Variants in PTPRO observed in about 807,000 individuals in gnomAD.
PTPRO encodes the protein protein tyrosine phosphatase receptor type O, also known as receptor-type tyrosine-protein phosphatase O.
Under a neutral mutation model 145.2 loss-of-function variants are expected in PTPRO, and 62 were observed. The observed-to-expected ratio is 0.43, with a 90% CI of 0.35 to 0.53. PTPRO has a LOEUF of 0.53. Ranked by LOEUF, PTPRO falls within the 20% of genes least tolerant of loss-of-function variation. The pLI, the probability that PTPRO is intolerant of heterozygous loss-of-function variation, is 0.01. For synonymous variants in PTPRO, 565 were observed against 514.7 expected, an observed-to-expected ratio of 1.10 and a Z score of -1.32; for missense variants, 1,345 against 1,482.7, an observed-to-expected ratio of 0.91 and a Z score of 1.53.
At chr12:15,394,834 G>A (rs1246107731) in intron 1 of PTPRO, among the ~76,000 whole-genome samples, 1 of 152,030 alleles carries the variant, frequency 6.6e-6, no homozygotes, top group Admixed American at 6.6e-5. Context: ...TTAACTACAG[G>A]GCTTGTCTAG....
chr12:15,415,638 G>T (rs966213191), intron 1 of PTPRO, among the ~76,000 whole-genome samples: 1 of 151,704 alleles, frequency 6.6e-6, no homozygotes, highest in African/African-American at 2.4e-5. Flanking sequence ...GCCCACCCTG[G>T]CCTCCCAAAG....
chr12:15,327,852 G>A (rs187370660), intron 1 of PTPRO, among the ~76,000 whole-genome samples: 27 of 151,984 alleles, frequency 1.8e-4, no homozygotes, highest in Non-Finnish European at 3.4e-4. Context: ...GGTGGCTCAC[G>A]CCTGTAATCC....
intron 9 of PTPRO, among the ~76,000 whole-genome samples, chr12:15,518,387 G>GCC (rs1942644451): frequency 6.6e-6 from 1 of 152,226 alleles, no homozygotes; most frequent in Non-Finnish European, 1.5e-5. Flanking sequence ...AGGCCTCCAG[G>GCC]CCTGTGATGG....
chr12:15,346,941 T>G (rs922520780), intron 1 of PTPRO, among the ~76,000 whole-genome samples: 1 of 152,152 alleles, frequency 6.6e-6, no homozygotes, highest in Admixed American at 6.5e-5. Context: ...CTGTAATCTT[T>G]CTGAATTTTT....
intron 1 of PTPRO, among the ~76,000 whole-genome samples, chr12:15,476,468 C>T (rs912517694): frequency 1.8e-4 from 28 of 151,428 alleles, no homozygotes; most frequent in Non-Finnish European, 4.4e-5. Flanking sequence ...GATATTAGCC[C>T]TTTGTCAGAT....
intron 17 of PTPRO, among the ~76,000 whole-genome samples, chr12:15,564,402 T>C (rs1453069485): frequency 6.6e-6 from 1 of 152,198 alleles, no homozygotes; most frequent in African/African-American, 2.4e-5. Flanking sequence ...GCAGAGATTA[T>C]TTTGTTTCAG....
chr12:15,460,768 C>T (rs557897947), intron 1 of PTPRO, among the ~76,000 whole-genome samples: 25 of 152,320 alleles, frequency 1.6e-4, no homozygotes, highest in Admixed American at 3.9e-4. Flanking sequence ...CTTGAACCAT[C>T]AAGATATTCT....
At chr12:15,547,948 A>G (rs1943338451) in intron 13 of PTPRO, among the ~76,000 whole-genome samples, 1 of 152,212 alleles carries the variant, frequency 6.6e-6, no homozygotes, top group South Asian at 2.1e-4. Context: ...TAGTCTGGCC[A>G]TGGGTCCACC....
chr12:15,344,081 G>C (rs536575172), intron 1 of PTPRO, among the ~76,000 whole-genome samples: 1 of 152,300 alleles, frequency 6.6e-6, no homozygotes, highest in South Asian at 2.1e-4. Context: ...ATCATTGTCA[G>C]GTTCTAACTA....
chr12:15,563,385 T>C (rs1943823337), intron 17 of PTPRO, among the ~76,000 whole-genome samples: 1 of 152,116 alleles, frequency 6.6e-6, no homozygotes, highest in Non-Finnish European at 1.5e-5. Context: ...GCGTGAATTT[T>C]CCCCTGGTTT....
chr12:15,468,579 C>A (rs1030892661), intron 1 of PTPRO, among the ~76,000 whole-genome samples: 1 of 152,202 alleles, frequency 6.6e-6, no homozygotes, highest in South Asian at 2.1e-4. Context: ...TAGGCTGCAG[C>A]CACCTGCTAG....
chr12:15,335,289 A>C (rs184412959), intron 1 of PTPRO, among the ~76,000 whole-genome samples: 11 of 152,226 alleles, frequency 7.2e-5, no homozygotes, highest in Non-Finnish European at 1.3e-4. Flanking sequence ...TAAGTTGATT[A>C]ATAAGATAAA....
chr12:15,569,289 G>A (rs1687885404), intron 18 of PTPRO, 128 bp from the exon 19 acceptor site: 2 of 831,870 alleles, frequency 2.4e-6, no homozygotes, highest in Non-Finnish European at 1.9e-6. Context: ...AAAAAGGTGA[G>A]TGCTAACCTT....
At chr12:15,496,545 G>C (rs1416150646) in intron 2 of PTPRO, among the ~76,000 whole-genome samples, 1 of 152,142 alleles carries the variant, frequency 6.6e-6, no homozygotes, top group Non-Finnish European at 1.5e-5. Flanking sequence ...GAGAGTGGGA[G>C]GGGGAGGAGA....
intron 25 of PTPRO, among the ~76,000 whole-genome samples, chr12:15,590,079 TC>T (rs1311567498): frequency 6.6e-6 from 1 of 152,204 alleles, no homozygotes; most frequent in African/African-American, 2.4e-5. Flanking sequence ...AGATTCCCAG[TC>T]CCCAACCTAC....
At chr12:15,326,761 G>A (rs1368190655) in intron 1 of PTPRO, among the ~76,000 whole-genome samples, 1 of 152,074 alleles carries the variant, frequency 6.6e-6, no homozygotes, top group East Asian at 1.9e-4. Flanking sequence ...ACAATAGAAG[G>A]CTTAACAACA....
intron 1 of PTPRO, among the ~76,000 whole-genome samples, chr12:15,351,503 T>A (rs923061170): frequency 1.3e-5 from 2 of 152,104 alleles, no homozygotes; most frequent in East Asian, 3.9e-4. Flanking sequence ...AAAGATTATA[T>A]GGAACAGGGA....
intron 1 of PTPRO, among the ~76,000 whole-genome samples, chr12:15,390,691 A>G (rs990535807): frequency 6.6e-6 from 1 of 152,208 alleles, no homozygotes; most frequent in Non-Finnish European, 1.5e-5. Flanking sequence ...GTGAGATACC[A>G]TAAGGCTGGA....
chr12:15,492,576 A>G (rs1942021339), intron 2 of PTPRO, among the ~76,000 whole-genome samples: 1 of 152,114 alleles, frequency 6.6e-6, no homozygotes, highest in Non-Finnish European at 1.5e-5. Flanking sequence ...AAAAACATAT[A>G]GAATAAACAT....
Sources: gnomAD v4.1 joint callset for allele counts (sites outside exome capture counted in the v4.1 genomes callset) on GRCh38, gnomAD v4.1.1 for gene constraint, MANE v1.5 for transcripts, NCBI Gene and HGNC (gene_info 2026-07-23, HGNC 2026-07-21) for gene names.